The following LAMP1 variants were observed in gnomAD, a reference collection of about 807,000 sequenced individuals.
LAMP1 encodes the protein lysosome associated membrane protein 1.
Under a neutral mutation model 37.5 loss-of-function variants are expected in LAMP1, and 7 were observed. That is an observed-to-expected ratio of 0.19 (90% CI 0.11 to 0.35). LAMP1 has a LOEUF of 0.35. Ranked by LOEUF, LAMP1 falls within the 10% of genes least tolerant of loss-of-function variation. The pLI, the probability that LAMP1 is intolerant of heterozygous loss-of-function variation, is 1.00. For synonymous variants in LAMP1, 236 were observed against 229.1 expected (o/e 1.03, Z -0.27); for missense variants, 537 against 552.8 (o/e 0.97, Z 0.29).
rs777751233 is a variant in LAMP1, at chr13:113,322,365, CTCATCGCCT to C, written c.1199_1207del (p.Leu400_Tyr403delinsHis). On this transcript the variant is annotated inframe_deletion, in exon 9 of 9. Transcript: ENST00000332556. ...CCTGGCGGGGCTGGTCCTCATCGTC[CTCATCGCCT>C]ACCTCGTCGGCAGGAAGAGGAGTCA... The C allele has an allele frequency of 6.2e-7, 1 of 1,601,248 alleles. No individual in the cohort carries two copies. Among genetic ancestry groups the C allele is most frequent in the Non-Finnish European group, 8.5e-7 (1 of 1,173,454 alleles).
rs1438697182 is a variant in LAMP1, at chr13:113,309,751, C to T, written c.292C>T (p.His98Tyr). ...TCTCGTGATTGCTTTTGGAAGAGGA[C>T]ATACACTCACTCTCAATTTCACGAG... ...PSLVIAFGRG[H>Y]TLTLNFTRNA... Residue 98 changes from histidine (H) to tyrosine (Y), a missense_variant, in exon 3 of 9, where the codon CAT becomes TAT. By Grantham distance (83) the His-to-Tyr change is moderately conservative (BLOSUM62 2). Coordinates refer to ENST00000332556, the MANE Select transcript of LAMP1 (RefSeq NM_005561.4). The T allele has an allele frequency of 6.2e-7, 1 of 1,613,914 alleles. No homozygotes were observed. Among genetic ancestry groups the T allele is most frequent in the Non-Finnish European group, 8.5e-7 (1 of 1,179,918 alleles).
At chr13:113,302,835 A>G (rs1453739230) in intron 1 of LAMP1, among the ~76,000 whole-genome samples, 3 of 152,182 alleles carry the variant, frequency 2.0e-5, no homozygotes, top group Non-Finnish European at 4.4e-5. Context: ...TTCTAGATCT[A>G]GGTCTCCGCC....
chr13:113,307,033 G>GT (rs1009600895), intron 2 of LAMP1, among the ~76,000 whole-genome samples: 4 of 151,724 alleles, frequency 2.6e-5, no homozygotes, highest in African/African-American at 7.3e-5. Context: ...TAGAGATGGG[G>GT]TTTCACTGTG....
At chr13:113,308,305 C>T (rs1410157310) in intron 2 of LAMP1, among the ~76,000 whole-genome samples, 4 of 148,124 alleles carry the variant, frequency 2.7e-5, no homozygotes, top group Non-Finnish European at 4.4e-5. Flanking sequence ...TGTGAGCTAC[C>T]GTACCTGGCC....
chr13:113,318,456 T>C (rs564479356), intron 4 of LAMP1, among the ~76,000 whole-genome samples: 1 of 152,294 alleles, frequency 6.6e-6, no homozygotes, highest in East Asian at 1.9e-4. Flanking sequence ...TATATAAATA[T>C]TATTCTTGAG....
rs1286111091 is a variant in LAMP1, at chr13:113,319,407, T to TA, written c.563-61dup. ...TAGTTTTGTTTCTGAGTTTGGATCT[T>TA]ACTGTAACTGCTGATGGTTATGAGA... On this transcript the variant is annotated intron_variant, in intron 4 of 8. Transcript: ENST00000332556. The TA allele has an allele frequency of 1.2e-5, 17 of 1,433,750 alleles. No homozygotes were observed. The African/African-American group carries it at 2.3e-4, about 19-fold the overall frequency. 88.8% of individuals were successfully genotyped at this position (1,433,750 alleles called of 1,614,324 possible).
At chr13:113,304,010 G>C (rs1318637088) in intron 1 of LAMP1, among the ~76,000 whole-genome samples, 1 of 152,122 alleles carries the variant, frequency 6.6e-6, no homozygotes, top group East Asian at 1.9e-4. Context: ...GCTTGAACCT[G>C]GGAGGTGGAG....
At chr13:113,309,379 G>A (rs919988764) in intron 2 of LAMP1, among the ~76,000 whole-genome samples, 4 of 152,182 alleles carry the variant, frequency 2.6e-5, no homozygotes, top group African/African-American at 9.7e-5. Flanking sequence ...AGCATTACAG[G>A]TGTGAGCCAC....
At chr13:113,304,619 G>GC (rs1281929312) in intron 1 of LAMP1, among the ~76,000 whole-genome samples, 1 of 151,736 alleles carries the variant, frequency 6.6e-6, no homozygotes, top group African/African-American at 2.4e-5. Flanking sequence ...TTCCTTGCAC[G>GC]CCCTACTTTG....
At chr13:113,298,814 G>A (rs529769088) in intron 1 of LAMP1, among the ~76,000 whole-genome samples, 2 of 152,292 alleles carry the variant, frequency 1.3e-5, no homozygotes, top group South Asian at 2.1e-4. Context: ...ATGCTCACAA[G>A]CCTCATAACT....
chr13:113,303,135 T>C (rs1180890029), intron 1 of LAMP1, among the ~76,000 whole-genome samples: 1 of 152,234 alleles, frequency 6.6e-6, no homozygotes, highest in Non-Finnish European at 1.5e-5. Context: ...CCGACAGCCC[T>C]GAGGCCTTGG....
At position 113,321,969 on chromosome 13, in the gene LAMP1, G is replaced by T; in HGVS notation, c.1114+242G>T. 1.7e-6 allele frequency: 1 copy of T among 591,718 alleles called. No individual in the cohort carries two copies. Among genetic ancestry groups the T allele is most frequent in the Non-Finnish European group, 3.0e-6 (1 of 335,366 alleles). 36.7% of individuals were successfully genotyped at this position (591,718 alleles called of 1,614,324 possible). The stretch of plus-strand genomic sequence containing the variant: ...AGTAAGGGAATCATTTTAAGAAACA[G>T]TGGTGGCGCTTCTCCCATGAACGTT... On this transcript the variant is annotated intron_variant, in intron 8 of 8. Transcript: ENST00000332556. This position sits in a 1 kb window ranked among gnomAD's most constrained non-coding sequence, Gnocchi z 5.6.
intron 1 of LAMP1, among the ~76,000 whole-genome samples, chr13:113,301,186 A>G (rs1021293418): frequency 1.3e-5 from 2 of 152,178 alleles, no homozygotes; most frequent in Non-Finnish European, 2.9e-5. Context: ...CCACACGATC[A>G]GCTTTTTAGA....
chr13:113,309,131 C>T (rs2042615818), intron 2 of LAMP1, among the ~76,000 whole-genome samples: 2 of 152,148 alleles, frequency 1.3e-5, no homozygotes, highest in Admixed American at 1.3e-4. Flanking sequence ...GAGACAGAGT[C>T]TTGCTCTGTT....
Position 113,321,558 on chromosome 13 carries a change from CCCTG to C in LAMP1, c.949_952del (p.Ala317LeufsTer66). On this transcript the variant is annotated frameshift_variant and splice_region_variant, in exon 8 of 9. Coordinates refer to ENST00000332556, the MANE Select transcript of LAMP1 (RefSeq NM_005561.4). LOFTEE classifies it high-confidence loss of function. The surrounding 1 kb of genome is among the most constrained non-coding windows in gnomAD (Gnocchi z 5.6). ...ACTAGACCTCTGTGTGTGTTGCAGACCCTGCCTTTAAAGCTGCCAACGGCTCCCT... is the reference window on the plus strand; with the variant it reads ...ACTAGACCTCTGTGTGTGTTGCAGACCCTTTAAAGCTGCCAACGGCTCCCT... The C allele has an allele frequency of 6.2e-7, 1 of 1,613,880 alleles. No individual in the cohort carries two copies. The highest frequency in any genetic ancestry group is 8.5e-7 in the Non-Finnish European group (1 of 1,180,018).
At chr13:113,322,201 G>T in intron 8 of LAMP1, 81 bp from the exon 9 acceptor site, 1 of 1,468,092 alleles carries the variant, frequency 6.8e-7, no homozygotes, top group Non-Finnish European at 9.2e-7. Context: ...TTTGGCTGAT[G>T]TGGGGGAGTG....
chr13:113,322,325 C>T lies in LAMP1; in HGVS notation c.1158C>T (p.Ile386=), dbSNP rs766726971. ...LLDENSMLIP[I]AVGGALAGLV... ...ACGAGAACAGCATGCTGATCCCCATCGCTGTGGGTGGTGCCCTGGCGGGGC... is the reference window on the plus strand; with the variant it reads ...ACGAGAACAGCATGCTGATCCCCATTGCTGTGGGTGGTGCCCTGGCGGGGC... The change falls in exon 9 of 9, where the codon ATC becomes ATT. Residue 386 remains isoleucine (I), a synonymous_variant. Coordinates refer to ENST00000332556, the MANE Select transcript of LAMP1 (RefSeq NM_005561.4). The T allele has an allele frequency of 5.0e-6, 8 of 1,613,722 alleles. No homozygotes were observed. The South Asian group carries it at 5.5e-5, about 11-fold the overall frequency.
chr13:113,310,482 C>T (rs1458106225), intron 3 of LAMP1, among the ~76,000 whole-genome samples: 5 of 152,088 alleles, frequency 3.3e-5, no homozygotes, highest in African/African-American at 9.7e-5. Flanking sequence ...GCCGAGATCA[C>T]GCCACTGTGC....
intron 4 of LAMP1, among the ~76,000 whole-genome samples, chr13:113,316,160 C>T (rs2042662695): frequency 6.6e-6 from 1 of 152,212 alleles, no homozygotes; most frequent in Non-Finnish European, 1.5e-5. Context: ...CTGAGTGCAG[C>T]TCTGCCTGAG....
Sources: allele counts gnomAD v4.1 joint callset (sites outside exome capture counted in the v4.1 genomes callset), GRCh38; gene constraint gnomAD v4.1.1; non-coding constraint Gnocchi (gnomAD v3.1); transcripts MANE v1.5; gene names NCBI Gene and HGNC (gene_info 2026-07-23, HGNC 2026-07-21).